The following ARHGAP28 variants were observed in gnomAD, a reference collection of about 807,000 sequenced individuals.
ARHGAP28 encodes rho GTPase-activating protein 28.
In ARHGAP28, 56 loss-of-function variants were observed where a neutral mutation model predicts 90.7. That is an observed-to-expected ratio of 0.62 (90% CI 0.50 to 0.77). The LOEUF is 0.77. ARHGAP28 is among the 30% of genes least tolerant of loss of function. The probability of loss-of-function intolerance (pLI) is 0.00; values close to 1 mark genes in which losing one functional copy is unlikely to be tolerated. For synonymous variants in ARHGAP28, 308 were observed against 323.3 expected, an observed-to-expected ratio of 0.95 and a Z score of 0.51; for missense variants, 869 against 900.9, an observed-to-expected ratio of 0.96 and a Z score of 0.45.
intron 2 of ARHGAP28, among the ~76,000 whole-genome samples, chr18:6,831,077 C>G (rs1208461535): frequency 6.6e-6 from 1 of 152,044 alleles, no homozygotes; most frequent in African/African-American, 2.4e-5. Flanking sequence ...GTTCCATTTC[C>G]ACATCATTGC....
At chr18:6,807,947 CT>C (rs2143667401) in intron 1 of ARHGAP28, among the ~76,000 whole-genome samples, 1 of 152,336 alleles carries the variant, frequency 6.6e-6, no homozygotes, top group South Asian at 2.1e-4. Flanking sequence ...TATTGTAGGG[CT>C]CAACTTGTTT....
intron 1 of ARHGAP28, among the ~76,000 whole-genome samples, chr18:6,765,221 G>T (rs371401124): frequency 2.6e-5 from 4 of 152,114 alleles, no homozygotes; most frequent in African/African-American, 9.7e-5. Flanking sequence ...GTGCAAGTTT[G>T]GTTTCTTCCT....
At chr18:6,835,458 A>G (rs1334163391) in intron 2 of ARHGAP28, among the ~76,000 whole-genome samples, 1 of 152,196 alleles carries the variant, frequency 6.6e-6, no homozygotes, top group Non-Finnish European at 1.5e-5. Flanking sequence ...CAATTAAGAT[A>G]GCAAATTAAA....
chr18:6,855,704 T>C (rs964823377), intron 4 of ARHGAP28, among the ~76,000 whole-genome samples: 2 of 152,210 alleles, frequency 1.3e-5, no homozygotes, highest in Non-Finnish European at 2.9e-5. Flanking sequence ...AGCCCAGACC[T>C]AGGGGCTCTC....
intron 1 of ARHGAP28, among the ~76,000 whole-genome samples, chr18:6,805,000 A>C (rs1377808602): frequency 6.6e-6 from 1 of 152,162 alleles, no homozygotes; most frequent in African/African-American, 2.4e-5. Context: ...CTTATTATTT[A>C]TATTTTTAGA....
Position 6,912,319 on chromosome 18 carries a change from G to T in ARHGAP28, c.*165G>T. 6 of 389,802 alleles carry T rather than the reference G, an allele frequency of 1.5e-5. No individual in the cohort carries two copies. Among genetic ancestry groups the T allele is most frequent in the South Asian group, 1.9e-4 (2 of 10,766 alleles). The allele number at this position is 389,802 out of a possible 1,614,324, so 24.1% of individuals were successfully genotyped here. A position where few individuals can be genotyped will look rare whatever the true frequency, so the allele number is the denominator to read the frequency against. On this transcript the variant is annotated 3_prime_UTR_variant, in exon 18 of 18. Transcript: ENST00000383472. ...AAGCATGAACTATGGAAGAGGCGCC[G>T]GTTCACCAATTCAACTGAAGCTTTC...
intron 7 of ARHGAP28, 120 bp downstream of exon 7, chr18:6,870,852 G>C (rs933479158): frequency 2.3e-4 from 245 of 1,067,964 alleles, no homozygotes; most frequent in East Asian, 1.5e-3. Flanking sequence ...CCAGGCTGGA[G>C]TGCAGTGGCG....
At position 6,746,395 on chromosome 18, in the gene ARHGAP28, T is replaced by C. The variant is rs983697766; in HGVS notation, c.122+16452T>C. On this transcript the variant is annotated intron_variant, in intron 1 of 17. Transcript: ENST00000383472. ...CAACCATAAACATTACATGAACCAA[T>C]AGGGTTGATTGTGTTCTGATAAAAC... Among the ~76,000 whole-genome samples, 10 of 152,274 alleles carry C rather than the reference T, an allele frequency of 6.6e-5. No homozygotes were observed. In the East Asian group the frequency reaches 1.5e-3, roughly 24 times the overall value.
At chr18:6,806,513 CTA>C (rs1449731138) in intron 1 of ARHGAP28, among the ~76,000 whole-genome samples, 2 of 151,794 alleles carry the variant, frequency 1.3e-5, no homozygotes, top group African/African-American at 4.8e-5. Context: ...TCAAATATGA[CTA>C]TATTTTTATT....
At chr18:6,815,496 C>T (rs575730127) in intron 1 of ARHGAP28, among the ~76,000 whole-genome samples, 1 of 152,206 alleles carries the variant, frequency 6.6e-6, no homozygotes, top group South Asian at 2.1e-4. Context: ...AAAATCTACT[C>T]CTTTAAAGTG....
intron 1 of ARHGAP28, among the ~76,000 whole-genome samples, chr18:6,782,737 A>G (rs2056335556): frequency 1.3e-5 from 2 of 149,082 alleles, no homozygotes; most frequent in African/African-American, 2.5e-5. Flanking sequence ...GGCGTGAGCC[A>G]CCACACCCAG....
chr18:6,882,515 G>A (rs1449047272), intron 11 of ARHGAP28, among the ~76,000 whole-genome samples: 1 of 152,130 alleles, frequency 6.6e-6, no homozygotes, highest in Non-Finnish European at 1.5e-5. Flanking sequence ...AGGCAGAGGG[G>A]TTTGCAGAAA....
chr18:6,888,131 T>C (rs2057236463), intron 12 of ARHGAP28, among the ~76,000 whole-genome samples: 3 of 152,334 alleles, frequency 2.0e-5, no homozygotes, highest in South Asian at 2.1e-4. Context: ...AGCAGAAAAG[T>C]GGTTTCTCCA....
At chr18:6,879,430 C>T (rs1416191996) in intron 10 of ARHGAP28, among the ~76,000 whole-genome samples, 1 of 152,146 alleles carries the variant, frequency 6.6e-6, no homozygotes, top group African/African-American at 2.4e-5. Flanking sequence ...AATGACAAGA[C>T]TTCTCATCCT....
At chr18:6,834,436 C>G (rs1240685765) in intron 2 of ARHGAP28, 2 of 152,166 alleles carry the variant, frequency 1.3e-5, no homozygotes, top group African/African-American at 4.8e-5. Flanking sequence ...TGTCCAAAGA[C>G]CTTGTGACAA....
chr18:6,754,226 A>AT, intron 1 of ARHGAP28, among the ~76,000 whole-genome samples: 1 of 152,238 alleles, frequency 6.6e-6, no homozygotes, highest in Non-Finnish European at 1.5e-5. Context: ...TTCAGTCCTT[A>AT]TTGCAGTTTC....
At chr18:6,748,281 G>C (rs1341556222) in intron 1 of ARHGAP28, among the ~76,000 whole-genome samples, 1 of 152,168 alleles carries the variant, frequency 6.6e-6, no homozygotes, top group East Asian at 1.9e-4. Context: ...TTTACATCCA[G>C]GGTATCTTTA....
chr18:6,818,113 C>T (rs543607732), intron 1 of ARHGAP28, among the ~76,000 whole-genome samples: 4 of 152,280 alleles, frequency 2.6e-5, no homozygotes, highest in African/African-American at 9.6e-5. Context: ...CTCGTAACAG[C>T]CCCTCGAAGT....
chr18:6,879,924 C>T (rs1242575660), intron 10 of ARHGAP28, among the ~76,000 whole-genome samples: 3 of 152,230 alleles, frequency 2.0e-5, no homozygotes, highest in African/African-American at 7.2e-5. Context: ...GGTTGTAGCA[C>T]CTGCCCTTGA....
Sources: allele counts gnomAD v4.1 joint callset (sites outside exome capture counted in the v4.1 genomes callset), GRCh38; gene constraint gnomAD v4.1.1; transcripts MANE v1.5; gene names NCBI Gene and HGNC (gene_info 2026-07-23, HGNC 2026-07-21).